Variants in SLC29A3 observed in about 807,000 individuals in gnomAD.
SLC29A3 encodes equilibrative nucleoside transporter 3.
In SLC29A3, 18 loss-of-function variants were observed where a neutral mutation model predicts 25.4. The observed-to-expected ratio is 0.71, with a 90% CI of 0.49 to 1.05. The LOEUF (loss-of-function observed/expected upper bound fraction) is 1.05. Ranked by LOEUF, SLC29A3 falls within the 50% of genes least tolerant of loss-of-function variation. The pLI, the probability that SLC29A3 is intolerant of heterozygous loss-of-function variation, is 0.00. For synonymous variants in SLC29A3, 258 were observed against 267.1 expected, an observed-to-expected ratio of 0.97 and a Z score of 0.33; for missense variants, 586 against 609.0, an observed-to-expected ratio of 0.96 and a Z score of 0.40.
intron 5 of SLC29A3, among the ~76,000 whole-genome samples, chr10:71,358,963 T>G (rs1269187317): frequency 6.6e-6 from 1 of 152,080 alleles, no homozygotes; most frequent in Non-Finnish European, 1.5e-5. Context: ...CAGGTTGGAG[T>G]GCAGTGGCAC....
chr10:71,351,838 A>G, intron 4 of SLC29A3, 50 bp downstream of exon 4: 1 of 1,514,936 alleles, frequency 6.6e-7, no homozygotes, highest in Non-Finnish European at 9.0e-7. Flanking sequence ...CCCAGGAGTC[A>G]TGGGAGGGAG....
intron 3 of SLC29A3, among the ~76,000 whole-genome samples, chr10:71,349,525 A>ACT (rs10686987): frequency 0.65 from 99,117 of 151,776 alleles, 33,923 homozygotes; most frequent in Non-Finnish European, 0.76. Flanking sequence ...AGCAGGCAAC[A>ACT]CTGACTGCCC....
intron 2 of SLC29A3, among the ~76,000 whole-genome samples, chr10:71,328,922 G>A (rs1483618820): frequency 6.6e-6 from 1 of 152,188 alleles, no homozygotes; most frequent in Non-Finnish European, 1.5e-5. Context: ...AAGCAAGATA[G>A]CATACTTGGG....
At chr10:71,336,071 A>C (rs965527688) in intron 2 of SLC29A3, among the ~76,000 whole-genome samples, 3 of 152,198 alleles carry the variant, frequency 2.0e-5, no homozygotes, top group African/African-American at 7.2e-5. Flanking sequence ...TGGGTAGCTG[A>C]AAAGCAAGGC....
chr10:71,355,168 C>T (rs572812572), intron 4 of SLC29A3, among the ~76,000 whole-genome samples: 1 of 152,324 alleles, frequency 6.6e-6, no homozygotes, highest in African/African-American at 2.4e-5. Flanking sequence ...TTGTTATTCC[C>T]ATTCTATAAG....
At chr10:71,370,502 T>C (rs1847202851) in intron 3 of SLC29A3, among the ~76,000 whole-genome samples, 1 of 152,172 alleles carries the variant, frequency 6.6e-6, no homozygotes, top group Non-Finnish European at 1.5e-5. Context: ...CTCAGTGCTG[T>C]CCTTCTTATT....
intron 3 of SLC29A3, among the ~76,000 whole-genome samples, chr10:71,346,111 A>G (rs1007833495): frequency 4.3e-4 from 65 of 152,216 alleles, no homozygotes; most frequent in African/African-American, 1.4e-3. Flanking sequence ...TCAGGAGACC[A>G]CAGGGGCACC....
chr10:71,378,098 G>GA (rs968549167), intron 4 of SLC29A3, among the ~76,000 whole-genome samples: 6 of 134,046 alleles, frequency 4.5e-5, no homozygotes, highest in African/African-American at 1.6e-4. Context: ...ACAATGTTGG[G>GA]GGGGGGGGTC....
intron 1 of SLC29A3, among the ~76,000 whole-genome samples, chr10:71,321,462 C>T (rs1845844475): frequency 1.3e-5 from 2 of 152,306 alleles, no homozygotes; most frequent in South Asian, 4.1e-4. Flanking sequence ...GTCCCATCCT[C>T]AGCATTTTGG....
At chr10:71,347,031 C>G (rs74144920) in intron 3 of SLC29A3, among the ~76,000 whole-genome samples, 3,295 of 152,228 alleles carry the variant, frequency 0.022, 136 homozygotes, top group African/African-American at 0.076. Context: ...CTCCTAGGCT[C>G]TAGGAGAGGG....
chr10:71,347,176 G>A (rs1258884482), intron 3 of SLC29A3, among the ~76,000 whole-genome samples: 2 of 152,164 alleles, frequency 1.3e-5, no homozygotes, highest in Non-Finnish European at 2.9e-5. Flanking sequence ...CTGGAGAACC[G>A]TGGCTTTCCC....
chr10:71,322,794 A>C lies in SLC29A3; in HGVS notation c.40A>C (p.Asn14His), dbSNP rs541461094. Residue 14 changes from asparagine to histidine, a missense_variant, in exon 2 of 6, where the codon AAC (asparagine) becomes CAC (histidine). Transcript: ENST00000373189. ...VSEDDFQHSS[N>H]STYRTTSSSL... ...AGAGGACGACTTTCAGCACAGTTCA[A>C]ACTCCACCTACAGAACCACAAGCAG... 4.3e-6 allele frequency: 7 copies of C among 1,613,958 alleles called. No homozygotes were observed. Among genetic ancestry groups the C allele is most frequent in the Non-Finnish European group, 5.9e-6 (7 of 1,180,040 alleles).
At chr10:71,364,499 A>G (rs1001531094), downstream of SLC29A3, 4 of 152,242 alleles carry the variant, frequency 2.6e-5, no homozygotes, top group Admixed American at 6.5e-5. Flanking sequence ...TGGCACGGGA[A>G]TCAGAGAGAG....
At chr10:71,348,010 G>A (rs1372006446) in intron 3 of SLC29A3, among the ~76,000 whole-genome samples, 7 of 152,330 alleles carry the variant, frequency 4.6e-5, no homozygotes, top group African/African-American at 1.2e-4. Flanking sequence ...GGCCATTCCC[G>A]AGGCTGGCGG....
Position 71,323,034 on chromosome 10 carries a change from C to A in SLC29A3, c.280C>A (p.Pro94Thr). The A allele has an allele frequency of 6.2e-7, 1 of 1,613,464 alleles. No homozygotes were observed. The highest frequency in any genetic ancestry group is 1.1e-5 in the South Asian group (1 of 91,056). Residue 94 changes from proline to threonine, a missense_variant, in exon 2 of 6, where the codon CCT (proline) becomes ACT (threonine). By Grantham distance (38) the Pro-to-Thr change is conservative. Coordinates refer to ENST00000373189, the MANE Select transcript of SLC29A3 (RefSeq NM_018344.6). ...CTCCAGCCCAGCCACCGGGGAGGAC[C>A]CTGAGGGCTCAGACATCCTGGTAAG... ...NSSSPATGEDPEGSDILNYFE... is the reference protein window; with the variant it reads ...NSSSPATGEDTEGSDILNYFE...
At chr10:71,323,997 T>C (rs1463751355) in intron 2 of SLC29A3, among the ~76,000 whole-genome samples, 1 of 152,124 alleles carries the variant, frequency 6.6e-6, no homozygotes, top group African/African-American at 2.4e-5. Context: ...GCTGGGTGGC[T>C]TTTCCAGAGA....
chr10:71,379,488 T>C (rs953640068), intron 4 of SLC29A3, among the ~76,000 whole-genome samples: 3 of 152,204 alleles, frequency 2.0e-5, no homozygotes, highest in African/African-American at 4.8e-5. Context: ...AGAAGTAGCG[T>C]TGAGTAACCT....
chr10:71,332,254 A>T (rs907139400), intron 2 of SLC29A3, among the ~76,000 whole-genome samples: 1 of 146,572 alleles, frequency 6.8e-6, no homozygotes, highest in African/African-American at 2.5e-5. Flanking sequence ...GGTTCAAGTG[A>T]TTCTGCTGCC....
chr10:71,361,643 C>T (rs895203462), intron 5 of SLC29A3, among the ~76,000 whole-genome samples: 1 of 152,162 alleles, frequency 6.6e-6, no homozygotes, highest in Admixed American at 6.5e-5. Flanking sequence ...CTCTACTCTC[C>T]TAAAATATAA....
Sources: allele counts gnomAD v4.1 joint callset (sites outside exome capture counted in the v4.1 genomes callset), GRCh38; gene constraint gnomAD v4.1.1; transcripts MANE v1.5; gene names NCBI Gene and HGNC (gene_info 2026-07-23, HGNC 2026-07-21).